ANAPC1: variants seen among roughly 807,000 people sequenced by gnomAD.
ANAPC1 encodes anaphase-promoting complex subunit 1.
In ANAPC1, 36 loss-of-function variants were observed where a neutral mutation model predicts 208.0. The observed-to-expected ratio is 0.17, with a 90% CI of 0.13 to 0.23. The LOEUF (loss-of-function observed/expected upper bound fraction) is 0.23, where lower values mean the gene tolerates loss of function less well. Among genes scored for constraint, ANAPC1 ranks in the 10% least tolerant of loss-of-function variants. The pLI, the probability that ANAPC1 is intolerant of heterozygous loss-of-function variation, is 1.00. For synonymous variants in ANAPC1, 378 were observed against 695.2 expected, an observed-to-expected ratio of 0.54 and a Z score of 7.18; for missense variants, 942 against 2,011.6, an observed-to-expected ratio of 0.47 and a Z score of 10.17.
At chr2:111,862,726 T>C (rs1682144311) in intron 9 of ANAPC1, 128 bp from the exon 10 acceptor site, 5 of 1,312,512 alleles carry the variant, frequency 3.8e-6, no homozygotes, top group Admixed American at 3.1e-5. Context: ...AGGTCAGAAA[T>C]TAAAATTTTT....
At chr2:111,813,055 G>C (rs1203724574) in intron 28 of ANAPC1, among the ~76,000 whole-genome samples, 1 of 90,582 alleles carries the variant, frequency 1.1e-5, no homozygotes, top group Non-Finnish European at 2.4e-5. Context: ...AGGACTGATG[G>C]GTCCCAGGGC....
intron 1 of ANAPC1, among the ~76,000 whole-genome samples, chr2:111,883,504 C>G (rs1683433403): frequency 6.7e-6 from 1 of 149,632 alleles, no homozygotes. Context: ...ATAACAGTAT[C>G]AGCAATGATT....
At chr2:111,859,206 G>A (rs931094417) in intron 10 of ANAPC1, among the ~76,000 whole-genome samples, 3 of 152,090 alleles carry the variant, frequency 2.0e-5, no homozygotes, top group Non-Finnish European at 4.4e-5. Flanking sequence ...CAGAAGGCCG[G>A]GTGTGGTGGC....
intron 3 of ANAPC1, among the ~76,000 whole-genome samples, chr2:111,875,030 A>G (rs1237720583): frequency 6.6e-6 from 1 of 152,206 alleles, no homozygotes; most frequent in Non-Finnish European, 1.5e-5. Context: ...CACAGCAGCT[A>G]TGTTACATTC....
In ANAPC1 at chr2:111,769,843, G is replaced by C. The variant is rs555342777; in HGVS notation, c.5720-437C>G. On this transcript the variant is annotated intron_variant, in intron 47 of 47. Coordinates refer to ENST00000341068, the MANE Select transcript of ANAPC1 (RefSeq NM_022662.4). ...CTACAGGTGCCCACCACCACGCCCA[G>C]CTAATTTTTTTTGTATTTTTAGTAG... Among the ~76,000 whole-genome samples, 147 of 149,428 alleles carry C rather than the reference G, an allele frequency of 9.8e-4. 1 individual carries two copies. The highest frequency in any genetic ancestry group is 3.3e-3 in the African/African-American group (136 of 40,984).
In ANAPC1 at chr2:111,792,503, G is replaced by C. The variant is rs1219992367; in HGVS notation, c.4571C>G (p.Ala1524Gly). Residue 1524 changes from alanine to glycine, a missense_variant, in exon 38 of 48, where the codon GCC becomes GGC. Ala to Gly is a moderately conservative substitution (Grantham distance 60). Coordinates refer to ENST00000341068, the MANE Select transcript of ANAPC1 (RefSeq NM_022662.4). ...GTTTCCTGAGCCAGCCATGACCATG[G>C]CGAGAGACAGCAGCACCACGCTCAG... The part of the protein sequence containing the change: ...TCLSVVLLSL[A>G]MVMAGSGNLK... 3.7e-6 allele frequency: 6 copies of C among 1,613,838 alleles called. No individual in the cohort carries two copies. The African/African-American group carries it at 6.7e-5, about 18-fold the overall frequency.
chr2:111,775,461 C>G (rs1320723417), intron 46 of ANAPC1, among the ~76,000 whole-genome samples: 1 of 152,156 alleles, frequency 6.6e-6, no homozygotes, highest in African/African-American at 2.4e-5. Context: ...TTGTTCTCTA[C>G]CCCAAAGCCA....
chr2:111,865,880 G>A (rs554904059), intron 7 of ANAPC1: 12 of 246,562 alleles, frequency 4.9e-5, no homozygotes, highest in Non-Finnish European at 7.4e-5. Flanking sequence ...AACTGTGCCC[G>A]ACGTGTGCCC....
intron 14 of ANAPC1, among the ~76,000 whole-genome samples, chr2:111,849,687 C>G (rs1354943660): frequency 6.6e-6 from 1 of 151,912 alleles, no homozygotes; most frequent in Non-Finnish European, 1.5e-5. Flanking sequence ...CTCATTTCCA[C>G]CTCTCAAGGC....
intron 8 of ANAPC1, among the ~76,000 whole-genome samples, chr2:111,864,435 A>G (rs1301061210): frequency 1.4e-4 from 19 of 135,788 alleles, no homozygotes; most frequent in African/African-American, 4.8e-4. Flanking sequence ...GGTATGAAGT[A>G]TTAACTACTC....
intron 3 of ANAPC1, among the ~76,000 whole-genome samples, chr2:111,877,570 G>A (rs1683085175): frequency 6.6e-6 from 1 of 152,140 alleles, no homozygotes; most frequent in African/African-American, 2.4e-5. Flanking sequence ...CACAAGGTCA[G>A]GAGATCGAGA....
chr2:111,786,903 C>T (rs374638267), intron 39 of ANAPC1, among the ~76,000 whole-genome samples: 17,260 of 149,428 alleles, frequency 0.12, 1,110 homozygotes, highest in Non-Finnish European at 0.16. Context: ...AATCCCAGCA[C>T]TTTGGGAGGC....
intron 3 of ANAPC1, among the ~76,000 whole-genome samples, chr2:111,875,464 G>C (rs1008350388): frequency 1.3e-5 from 2 of 152,084 alleles, no homozygotes; most frequent in African/African-American, 4.8e-5. Context: ...TTTTATCCCT[G>C]ATATCTAAGA....
chr2:111,820,025 A>C (rs1679436966), intron 26 of ANAPC1, among the ~76,000 whole-genome samples: 1 of 152,160 alleles, frequency 6.6e-6, no homozygotes, highest in African/African-American at 2.4e-5. Context: ...TAATGAGAAC[A>C]ATATTATATC....
chr2:111,780,672 CTAAT>C (rs1677226194), intron 43 of ANAPC1: 1 of 203,762 alleles, frequency 4.9e-6, no homozygotes, highest in Non-Finnish European at 1.0e-5. Context: ...CCTTCACTGA[CTAAT>C]TAAAAAGCCT....
At chr2:111,830,933 C>T (rs1201813483) in intron 21 of ANAPC1, among the ~76,000 whole-genome samples, 1 of 152,202 alleles carries the variant, frequency 6.6e-6, no homozygotes, top group Non-Finnish European at 1.5e-5. Flanking sequence ...ACATAAAACG[C>T]TAAGCATGAA....
intron 10 of ANAPC1, among the ~76,000 whole-genome samples, chr2:111,860,370 A>C (rs1681991057): frequency 6.8e-6 from 1 of 148,056 alleles, no homozygotes; most frequent in Non-Finnish European, 1.5e-5. Context: ...AGTTCAGCAA[A>C]AACAAAACTC....
At chr2:111,879,016 T>C in intron 2 of ANAPC1, 45 bp from the exon 3 acceptor site, 1 of 1,569,326 alleles carries the variant, frequency 6.4e-7, no homozygotes, top group Non-Finnish European at 8.6e-7. Flanking sequence ...ACTCTTTTTT[T>C]GTTCTTCAAA....
At position 111,768,569 on chromosome 2, in the gene ANAPC1, A is replaced by G. The variant is rs1404462839; in HGVS notation, c.*722T>C. 1 of 149,444 alleles carries G rather than the reference A, an allele frequency of 6.7e-6. No individual in the cohort carries two copies. The highest frequency in any genetic ancestry group is 2.5e-5 in the African/African-American group (1 of 39,848). The allele number at this position is 149,444 out of a possible 1,614,324, so 9.3% of individuals were successfully genotyped here. On this transcript the variant is annotated 3_prime_UTR_variant, in exon 48 of 48. Coordinates refer to ENST00000341068, the MANE Select transcript of ANAPC1 (RefSeq NM_022662.4). ...ACTGTCTTCACATGGCAGAGAGAGA[A>G]AGAAAAATCTCTCTTCCTCTGCTTA...
Sources: gnomAD v4.1 joint callset for allele counts (sites outside exome capture counted in the v4.1 genomes callset) on GRCh38, gnomAD v4.1.1 for gene constraint, MANE v1.5 for transcripts, NCBI Gene and HGNC (gene_info 2026-07-23, HGNC 2026-07-21) for gene names.